Variants in HCFC1 observed in about 807,000 individuals in gnomAD.
HCFC1 encodes host cell factor 1.
Under a neutral mutation model 105.5 loss-of-function variants are expected in HCFC1, and 7 were observed. The ratio of observed to expected loss-of-function variants is 0.07; its 90% confidence interval spans 0.04 to 0.12. The LOEUF (loss-of-function observed/expected upper bound fraction) is 0.12, where lower values mean the gene tolerates loss of function less well. HCFC1 is among the 10% of genes least tolerant of loss of function. HCFC1 has a pLI of 1.00. For missense variants in HCFC1, 1,065 were observed against 1,823.6 expected, an observed-to-expected ratio of 0.58 and a Z score of 7.58; for synonymous variants, 918 against 828.1, an observed-to-expected ratio of 1.11 and a Z score of -1.86.
rs377074021 is a variant in HCFC1, at chrX:153,956,248, G to A, written c.2799C>T (p.Ala933=). ...CTGCCGCTGTCAGCGTGGTCTGTGC[G>A]GCCGACACAGTGATGGCAGTGGGGT... ...VINPTAITVS[A]AQTTLTAAGG... is the part of the protein sequence containing the mutation. Residue 933 remains alanine, a synonymous_variant, in exon 16 of 26, where the codon GCC becomes GCT. Transcript: ENST00000310441. The A allele has an allele frequency of 2.3e-5, 28 of 1,211,436 alleles. No homozygotes were observed. The East Asian group carries it at 2.4e-4, about 10-fold the overall frequency.
Position 153,959,906 on chromosome X carries a change from A to G in HCFC1, c.1340T>C (p.Leu447Pro). The change falls in exon 8 of 26, where the codon CTC becomes CCC. Residue 447 changes from leucine (L) to proline (P), a missense_variant. This residue lies in a region of HCFC1 where 101 missense variants were observed against 155.1 expected (regional missense o/e 0.65). Transcript: ENST00000310441. The stretch of plus-strand genomic sequence containing the variant: ...GGGTGCGGGGGCAGCCTGGGGCAGG[A>G]GCGTGATGCCTACTTGGGTCAGCGG... ...VQPLTQVGIT[L>P]LPQAAPAPPT... 1 of 1,205,460 alleles carries G rather than the reference A, an allele frequency of 8.3e-7. No homozygotes were observed. Among genetic ancestry groups the G allele is most frequent in the Non-Finnish European group, 1.1e-6 (1 of 891,259 alleles).
At position 153,957,393 on chromosome X, in the gene HCFC1, G is replaced by A. The variant is rs782236483; in HGVS notation, c.2274C>T (p.Pro758=). 3.3e-6 allele frequency: 4 copies of A among 1,209,521 alleles called. No individual in the cohort carries two copies. The highest frequency in any genetic ancestry group is 3.0e-5 in the East Asian group (1 of 33,770). The change falls in exon 13 of 26, where the codon CCC becomes CCT. Residue 758 remains proline (P), a synonymous_variant. Transcript: ENST00000310441. The part of the protein sequence containing the change: ...PTILGISSVS[P]STTKPGTTTI... ...TGGTCGTGCCGGGCTTGGTGGTACT[G>A]GGGGAGACGCTGCTGATGCCCAGGA...
At chrX:153,966,738 G>C (rs933651009) in intron 1 of HCFC1, among the ~76,000 whole-genome samples, 2 of 112,499 alleles carry the variant, frequency 1.8e-5, no homozygotes, top group Non-Finnish European at 3.8e-5. Context: ...TCACTGACTT[G>C]AAGCAACCGA....
chrX:153,957,196 G>A (rs2065385669), intron 13 of HCFC1, 118 bp downstream of exon 13: 1 of 963,602 alleles, frequency 1.0e-6, no homozygotes. Flanking sequence ...ACAAAAGGCA[G>A]CAAGGAGAAG....
rs1352542305 is a variant in HCFC1, at chrX:153,964,351, C to G, written c.343-67G>C. ...GGCCACCACTAGGGACCCGGGGCAA[C>G]TTGTGGTGGAGGAGGAAATGGCCGG... is the stretch of plus-strand genomic sequence containing the variant. On this transcript the variant is annotated intron_variant, in intron 2 of 25. Coordinates refer to ENST00000310441, the MANE Select transcript of HCFC1 (RefSeq NM_005334.3). The G allele has an allele frequency of 2.9e-6, 3 of 1,052,129 alleles. No homozygotes were observed. In the East Asian group the frequency reaches 9.5e-5, roughly 33 times the overall value. The allele number at this position is 1,052,129 out of a possible 1,213,427, so 86.7% of individuals were successfully genotyped here.
chrX:153,966,950 T>C (rs782121763), intron 1 of HCFC1, among the ~76,000 whole-genome samples: 1 of 112,128 alleles, frequency 8.9e-6, no homozygotes, highest in East Asian at 2.8e-4. Context: ...GTGATATCTT[T>C]GGGGATCCCG....
chrX:153,950,268 C>T lies in HCFC1; in HGVS notation c.5979G>A (p.Pro1993=), dbSNP rs1040805219. The part of the protein sequence containing the change: ...IAARNEKGYG[P]ATQVRWLQET... The stretch of plus-strand genomic sequence containing the variant: ...CCTGCAGCCACCTCACTTGTGTGGC[C>T]GGGCCATAGCCCTTCTCATTGCGGG... The change falls in exon 24 of 26, where the codon CCG becomes CCA. Residue 1993 remains proline, a synonymous_variant. Transcript: ENST00000310441. 2.8e-5 allele frequency: 33 copies of T among 1,187,734 alleles called. No individual in the cohort carries two copies. The highest frequency in any genetic ancestry group is 6.0e-5 in the East Asian group (2 of 33,350).
At position 153,964,658 on chromosome X, in the gene HCFC1, C is replaced by T. The variant is rs1557117889; in HGVS notation, c.262G>A (p.Val88Met). The change falls in exon 2 of 26, where the codon GTG (valine) becomes ATG (methionine). Residue 88 changes from valine to methionine, a missense_variant. Val to Met is a conservative substitution (Grantham distance 21). This residue lies in a region of HCFC1 where 38 missense variants were observed against 190.1 expected (regional missense o/e 0.20). Transcript: ENST00000310441. ...ACCAGGAGGCGAGTCCCGTCACACA[C>T]GAAGCCATAGGCTGCACACCCAGGG... Reference protein sequence around the residue: ...IPPGCAAYGFVCDGTRLLVFG... With the variant: ...IPPGCAAYGFMCDGTRLLVFG... The T allele has an allele frequency of 4.1e-6, 5 of 1,205,712 alleles. No individual in the cohort carries two copies. The highest frequency in any genetic ancestry group is 2.2e-5 in the Admixed American group (1 of 45,519).
At chrX:153,953,483 G>T in intron 18 of HCFC1, 124 bp downstream of exon 18, 1 of 702,383 alleles carries the variant, frequency 1.4e-6, no homozygotes, top group Non-Finnish European at 2.1e-6. Context: ...CCCTTTTATG[G>T]TCCGGAAAAG....
At position 153,949,329 on chromosome X, in the gene HCFC1, G is replaced by C. The variant is rs781959210; in HGVS notation, c.*18C>G. 3.4e-6 allele frequency: 4 copies of C among 1,193,778 alleles called. No homozygotes were observed. In the Admixed American group the frequency reaches 8.9e-5, roughly 26 times the overall value. ...CAGGGGGGTCTGGAGAAGAATCCAG[G>C]GGCTAGTCAGCTTCCTCTCACTGAC... On this transcript the variant is annotated 3_prime_UTR_variant, in exon 26 of 26. Transcript: ENST00000310441.
intron 1 of HCFC1, 73 bp downstream of exon 1, chrX:153,970,575 G>A (rs1259624176): frequency 8.4e-6 from 6 of 713,629 alleles, no homozygotes; most frequent in South Asian, 4.9e-5. Context: ...ATGGAGGGAG[G>A]GAGGAAAGAG....
chrX:153,959,244 G>A lies in HCFC1; in HGVS notation c.1605+87C>T, dbSNP rs1243021680. Reference sequence around the variant, plus strand: ...TGTGGGGTGCGTGGTACCAGAGCCCGAGAGGGATGTGAACCCCTCAGTACA... The same window carrying A: ...TGTGGGGTGCGTGGTACCAGAGCCCAAGAGGGATGTGAACCCCTCAGTACA... On this transcript the variant is annotated intron_variant, in intron 9 of 25. Coordinates refer to ENST00000310441, the MANE Select transcript of HCFC1 (RefSeq NM_005334.3). 140 of 978,422 alleles carry A rather than the reference G, an allele frequency of 1.4e-4. 1 individual carries two copies. The highest frequency in any genetic ancestry group is 1.1e-3 in the South Asian group (47 of 42,205). 80.6% of individuals were successfully genotyped at this position (978,422 alleles called of 1,213,427 possible). A position where few individuals can be genotyped will look rare whatever the true frequency, so the allele number is the denominator to read the frequency against.
intron 3 of HCFC1, 148 bp downstream of exon 3, chrX:153,963,976 C>T (rs782709892): frequency 1.4e-4 from 64 of 441,642 alleles, no homozygotes; most frequent in Middle Eastern, 6.8e-4. Flanking sequence ...AGAGGGCATC[C>T]GGTGCCGCTC....
intron 5 of HCFC1, 140 bp from the exon 6 acceptor site, chrX:153,961,788 G>A (rs987307748): frequency 1.7e-5 from 8 of 483,062 alleles, no homozygotes; most frequent in Admixed American, 1.2e-4. Context: ...GCCTCCTGAC[G>A]TGGCCCTCTC....
Position 153,956,908 on chromosome X carries a change from A to G in HCFC1, c.2496+10T>C, listed in dbSNP as rs1557115198. 2 of 1,208,660 alleles carry G rather than the reference A, an allele frequency of 1.7e-6. No individual in the cohort carries two copies. The highest frequency in any genetic ancestry group is 2.2e-6 in the Non-Finnish European group (2 of 894,918). Reference sequence around the variant, plus strand: ...GACACTGGGCTGAGAGACGGCTGGGAGTGCCTCACCTGGGTCACTCCCTGC... The same window carrying G: ...GACACTGGGCTGAGAGACGGCTGGGGGTGCCTCACCTGGGTCACTCCCTGC... On this transcript the variant is annotated intron_variant, in intron 14 of 25. Coordinates refer to ENST00000310441, the MANE Select transcript of HCFC1 (RefSeq NM_005334.3).
Position 153,960,224 on chromosome X carries a change from G to C in HCFC1, c.1084+11C>G. On this transcript the variant is annotated intron_variant, in intron 7 of 25. Coordinates refer to ENST00000310441, the MANE Select transcript of HCFC1 (RefSeq NM_005334.3). ...CTATGGGAGGAGGGGAGTCGGCTGG[G>C]CCGGGCCTACCTGTCTCTAGGTACC... The C allele has an allele frequency of 8.4e-7, 1 of 1,187,625 alleles. No individual in the cohort carries two copies. The highest frequency in any genetic ancestry group is 1.7e-5 in the African/African-American group (1 of 57,428).
chrX:153,961,490 G>C (rs1200385940), intron 6 of HCFC1, 52 bp downstream of exon 6: 1 of 898,658 alleles, frequency 1.1e-6, no homozygotes, highest in Non-Finnish European at 1.6e-6. Flanking sequence ...GCTGAGAAGG[G>C]CCAGCCTCCT....
chrX:153,963,055 C>T (rs1043470098), intron 4 of HCFC1, among the ~76,000 whole-genome samples, 170 bp downstream of exon 4: 4 of 112,289 alleles, frequency 3.6e-5, no homozygotes, highest in African/African-American at 1.3e-4. Flanking sequence ...AACCTAGGGA[C>T]GATCCAGGGT....
In HCFC1 at chrX:153,949,166, G is replaced by A. The variant is rs1557111772; in HGVS notation, c.*181C>T. 1.4e-5 allele frequency: 6 copies of A among 429,188 alleles called. No individual in the cohort carries two copies. The highest frequency in any genetic ancestry group is 1.6e-5 in the Non-Finnish European group (4 of 243,396). The allele number at this position is 429,188 out of a possible 1,213,427, so 35.4% of individuals were successfully genotyped here. A position where few individuals can be genotyped will look rare whatever the true frequency, so the allele number is the denominator to read the frequency against. ...CCTCTGCTTCCTCCCAACAGCAATG[G>A]TAAAATGTGCTTTCTTTAGATTATT... is the stretch of plus-strand genomic sequence containing the variant. On this transcript the variant is annotated 3_prime_UTR_variant, in exon 26 of 26. Coordinates refer to ENST00000310441, the MANE Select transcript of HCFC1 (RefSeq NM_005334.3).
Sources: gnomAD v4.1 joint callset for allele counts (sites outside exome capture counted in the v4.1 genomes callset) on GRCh38, gnomAD v4.1.1 for gene constraint, gnomAD v4.1.1 regional missense constraint, MANE v1.5 for transcripts, NCBI Gene and HGNC (gene_info 2026-07-23, HGNC 2026-07-21) for gene names.